PHC1: variants seen among roughly 807,000 people sequenced by gnomAD.
PHC1 encodes polyhomeotic-like protein 1.
A neutral mutation model predicts 104.3 loss-of-function variants in PHC1; 12 were observed. That is an observed-to-expected ratio of 0.12 (90% CI 0.07 to 0.19). The LOEUF (loss-of-function observed/expected upper bound fraction) is 0.19. Among genes scored for constraint, PHC1 ranks in the 10% least tolerant of loss-of-function variants. PHC1 has a pLI of 1.00. For missense variants in PHC1, 671 were observed against 1,200.0 expected (o/e 0.56, Z 6.51); for synonymous variants, 302 against 455.8 (o/e 0.66, Z 4.30).
chr12:8,935,179 C>T lies in PHC1; in HGVS notation c.2309C>T (p.Pro770Leu), dbSNP rs144694464. 80 of 1,592,628 alleles carry T rather than the reference C, an allele frequency of 5.0e-5. No homozygotes were observed. Among genetic ancestry groups the T allele is most frequent in the Non-Finnish European group, 5.4e-5 (63 of 1,166,882 alleles). The change falls in exon 11 of 15, where the codon CCG becomes CTG. Residue 770 changes from proline (P) to leucine (L), a missense_variant. By Grantham distance (98) the Pro-to-Leu change is moderately conservative. This residue lies in a region of PHC1 where 192 missense variants were observed against 280.5 expected (regional missense o/e 0.68). Coordinates refer to ENST00000544916, the MANE Select transcript of PHC1 (RefSeq NM_004426.3). ...GAGAAGCCACTACAGACTGGCCTTC[C>T]GACAGGGCTGACTGAGAATCAGTCA... Reference protein sequence around the residue: ...ESEKPLQTGLPTGLTENQSGG... With the variant: ...ESEKPLQTGLLTGLTENQSGG...
rs1244730369 is a variant in PHC1 at position 8,914,553 on chromosome 12, C to T, written c.-323C>T. The T allele has an allele frequency of 6.6e-6, 1 of 151,406 alleles. No homozygotes were observed. Among genetic ancestry groups the T allele is most frequent in the Non-Finnish European group, 1.5e-5 (1 of 67,760 alleles). The allele number at this position is 151,406 out of a possible 1,614,324, so 9.4% of individuals were successfully genotyped here. ...GGCCTGCGGCCCCCACCTTCTCGGC[C>T]GGGCAGGAAGTGACAGGCCCGGAGC... On this transcript the variant is annotated 5_prime_UTR_variant, in exon 1 of 15. Transcript: ENST00000544916.
Position 8,924,487 on chromosome 12 carries a change from GAA to G in PHC1, c.612+1701_612+1702del, listed in dbSNP as rs1945460427. ...TGAGACTCCGTCTCCAAAACAAAAA[GAA>G]AGTGCTAAACTAAATGGTGCTAACT... On this transcript the variant is annotated intron_variant, in intron 6 of 14. Transcript: ENST00000544916. 3.3e-5 allele frequency among the ~76,000 whole-genome samples: 5 copies of G among 152,232 alleles called. No homozygotes were observed. The South Asian group carries it at 8.3e-4, about 25-fold the overall frequency.
Position 8,914,583 on chromosome 12 carries a change from C to A in PHC1, c.-293C>A, listed in dbSNP as rs1446855920. ...AGGAAGTGACAGGCCCGGAGCGAGC[C>A]CCGGAGGCCTGGCTGAGCCGCGGCC... On this transcript the variant is annotated 5_prime_UTR_variant, in exon 1 of 15. Coordinates refer to ENST00000544916, the MANE Select transcript of PHC1 (RefSeq NM_004426.3). 6.6e-6 allele frequency: 1 copy of A among 151,154 alleles called. No individual in the cohort carries two copies. The highest frequency in any genetic ancestry group is 2.1e-4 in the South Asian group (1 of 4,832). The allele number at this position is 151,154 out of a possible 1,614,324, so 9.4% of individuals were successfully genotyped here. A position where few individuals can be genotyped will look rare whatever the true frequency, so the allele number is the denominator to read the frequency against.
At chr12:8,934,591 C>A in intron 10 of PHC1, 113 bp downstream of exon 10, 3 of 657,398 alleles carry the variant, frequency 4.6e-6, no homozygotes, top group South Asian at 4.6e-5. Flanking sequence ...AAGAATGGTT[C>A]AATTACGCTA....
Position 8,939,856 on chromosome 12 carries a change from C to T in PHC1, c.*397C>T. On this transcript the variant is annotated 3_prime_UTR_variant, in exon 15 of 15. Coordinates refer to ENST00000544916, the MANE Select transcript of PHC1 (RefSeq NM_004426.3). Reference sequence around the variant, plus strand: ...AGGAACTGGGTGGAATGTCAGGTTGCCTGCCCAATGGGAGAGGTAGGGTTT... The same window carrying T: ...AGGAACTGGGTGGAATGTCAGGTTGTCTGCCCAATGGGAGAGGTAGGGTTT... 2.2e-6 allele frequency: 1 copy of T among 459,908 alleles called. No individual in the cohort carries two copies. Among genetic ancestry groups the T allele is most frequent in the Non-Finnish European group, 4.4e-6 (1 of 229,260 alleles). 28.5% of individuals were successfully genotyped at this position (459,908 alleles called of 1,614,324 possible).
At chr12:8,936,689 C>T (rs1386756440) in intron 11 of PHC1, among the ~76,000 whole-genome samples, 167 bp from the exon 12 acceptor site, 3 of 152,078 alleles carry the variant, frequency 2.0e-5, no homozygotes, top group African/African-American at 7.2e-5. Flanking sequence ...GACAAGTCTT[C>T]GTGATTTTAG....
At chr12:8,924,369 G>A (rs975189692) in intron 6 of PHC1, among the ~76,000 whole-genome samples, 9 of 152,186 alleles carry the variant, frequency 5.9e-5, no homozygotes, top group African/African-American at 2.2e-4. Flanking sequence ...TCCACCTACA[G>A]GGAGGTTGAG....
chr12:8,922,607 G>T, intron 5 of PHC1, 26 bp from the exon 6 acceptor site: 2 of 1,550,010 alleles, frequency 1.3e-6, no homozygotes, highest in Non-Finnish European at 1.7e-6. Context: ...TGTCCTCTTT[G>T]CTCTTCCTCT....
chr12:8,916,462 G>A (rs1311386665), intron 1 of PHC1, among the ~76,000 whole-genome samples: 12 of 152,006 alleles, frequency 7.9e-5, no homozygotes, highest in Non-Finnish European at 2.9e-5. Context: ...GTGGCCCAGT[G>A]CCTCAGAAGT....
At chr12:8,937,489 C>T (rs1405869764) in intron 13 of PHC1, among the ~76,000 whole-genome samples, 163 bp downstream of exon 13, 1 of 152,108 alleles carries the variant, frequency 6.6e-6, no homozygotes, top group Non-Finnish European at 1.5e-5. Context: ...CCTTTGTCTC[C>T]GGACCTCTTA....
Position 8,933,294 on chromosome 12 carries a change from T to C in PHC1, c.1837T>C (p.Ser613Pro). Residue 613 changes from serine to proline, a missense_variant, in exon 8 of 15, where the codon TCA becomes CCA. Transcript: ENST00000544916. ...HVVKGGATTS[S>P]PVVAQVPAAF... is the part of the protein sequence containing the mutation. Reference sequence around the variant, plus strand: ...GGTAAAGGGTGGGGCTACCACCTCCTCACCTGTTGTAGCCCAGGTCCCTGC... The same window carrying C: ...GGTAAAGGGTGGGGCTACCACCTCCCCACCTGTTGTAGCCCAGGTCCCTGC... 1.4e-6 allele frequency: 2 copies of C among 1,474,722 alleles called. No homozygotes were observed. Among genetic ancestry groups the C allele is most frequent in the Non-Finnish European group, 1.8e-6 (2 of 1,109,434 alleles). 91.4% of individuals were successfully genotyped at this position (1,474,722 alleles called of 1,614,324 possible).
Position 8,930,907 on chromosome 12 carries a change from G to C in PHC1, c.1085G>C (p.Ser362Thr), listed in dbSNP as rs1045905126. ...ACACGGACAGCCACACCTGCGCCCA[G>C]CCAGACACTTATTAGCTCAGGTAAA... ...NLTRTATPAP[S>T]QTLISSATYT... The change falls in exon 7 of 15, where the codon AGC becomes ACC. Residue 362 changes from serine (S) to threonine (T), a missense_variant. Around this residue, in one of 9 missense-constraint regions of PHC1, gnomAD observed 78 missense variants for 140.8 expected, o/e 0.55. Coordinates refer to ENST00000544916, the MANE Select transcript of PHC1 (RefSeq NM_004426.3). 2 of 1,604,954 alleles carry C rather than the reference G, an allele frequency of 1.2e-6. No homozygotes were observed. Among genetic ancestry groups the C allele is most frequent in the Admixed American group, 3.4e-5 (2 of 59,482 alleles).
At chr12:8,927,290 G>A (rs764955788) in intron 6 of PHC1, among the ~76,000 whole-genome samples, 1 of 152,242 alleles carries the variant, frequency 6.6e-6, no homozygotes, top group South Asian at 2.1e-4. Context: ...TGGTGGGAAT[G>A]AATACAGTGA....
In PHC1 at chr12:8,938,342, A is replaced by G. The variant is rs747458414; in HGVS notation, c.2860+282A>G. 1.3e-4 allele frequency among the ~76,000 whole-genome samples: 20 copies of G among 151,650 alleles called. No homozygotes were observed. In the South Asian group the frequency reaches 4.0e-3, roughly 30 times the overall value. On this transcript the variant is annotated intron_variant, in intron 14 of 14. Coordinates refer to ENST00000544916, the MANE Select transcript of PHC1 (RefSeq NM_004426.3). ...ATGTTTTTGTGTAATTAACTATGAT[A>G]CCTCCCATGGGGAAAAAATTTTTTT...
chr12:8,916,637 T>TA (rs1945209996), intron 1 of PHC1, among the ~76,000 whole-genome samples: 1 of 152,138 alleles, frequency 6.6e-6, no homozygotes, highest in Non-Finnish European at 1.5e-5. Flanking sequence ...TTTGCAAATG[T>TA]AAGTGTAGTC....
intron 11 of PHC1, among the ~76,000 whole-genome samples, chr12:8,935,527 G>A (rs149123351): frequency 0.016 from 2,415 of 152,098 alleles, 68 homozygotes; most frequent in African/African-American, 0.055. Context: ...TCGGGAGGCT[G>A]AGGCGGGAGA....
rs146315324 is a variant in PHC1 at position 8,927,846 on chromosome 12, G to A, written c.613-2589G>A. Among the ~76,000 whole-genome samples the A allele has an allele frequency of 9.0e-5, 13 of 144,368 alleles. No homozygotes were observed. In the East Asian group the frequency reaches 2.8e-3, roughly 31 times the overall value. 94.7% of individuals were successfully genotyped at this position (144,368 alleles called of 152,430 possible). On this transcript the variant is annotated intron_variant, in intron 6 of 14. Transcript: ENST00000544916. Reference sequence around the variant, plus strand: ...GGTTTTTATTATTTTAACCTGTACTGTACTAGTTTTCTTTCTTTCTTTCTT... The same window carrying A: ...GGTTTTTATTATTTTAACCTGTACTATACTAGTTTTCTTTCTTTCTTTCTT...
chr12:8,929,550 C>G (rs921103854), intron 6 of PHC1, among the ~76,000 whole-genome samples: 4 of 146,412 alleles, frequency 2.7e-5, no homozygotes, highest in Non-Finnish European at 3.0e-5. Flanking sequence ...TTTTTCTGGA[C>G]AGGGTCTCAC....
intron 1 of PHC1, chr12:8,915,714 A>G (rs1339286402): frequency 6.6e-6 from 1 of 152,060 alleles, no homozygotes; most frequent in African/African-American, 2.4e-5. Context: ...TTAATCTTGT[A>G]GTCATAATGT....
Sources: gnomAD v4.1 joint callset for allele counts (sites outside exome capture counted in the v4.1 genomes callset) on GRCh38, gnomAD v4.1.1 for gene constraint, gnomAD v4.1.1 regional missense constraint, MANE v1.5 for transcripts, NCBI Gene and HGNC (gene_info 2026-07-23, HGNC 2026-07-21) for gene names.